Variants in FNDC3B observed in about 807,000 individuals in gnomAD.
FNDC3B encodes fibronectin type III domain containing 3B.
In FNDC3B, 12 loss-of-function variants were observed where a neutral mutation model predicts 151.5. The ratio of observed to expected loss-of-function variants is 0.08; its 90% CI spans 0.05 to 0.13. The LOEUF is 0.13. Among genes scored for constraint, FNDC3B ranks in the 10% least tolerant of loss-of-function variants. The pLI is 1.00. For missense variants in FNDC3B, 1,214 were observed against 1,505.3 expected (o/e 0.81, Z 3.20); for synonymous variants, 528 against 549.0 (o/e 0.96, Z 0.54).
At chr3:172,214,447 C>G (rs931035332) in intron 3 of FNDC3B, among the ~76,000 whole-genome samples, 4 of 152,172 alleles carry the variant, frequency 2.6e-5, no homozygotes, top group African/African-American at 7.2e-5. Context: ...TTGGAGATTG[C>G]TGGTCCCTTC....
intron 9 of FNDC3B, among the ~76,000 whole-genome samples, chr3:172,304,258 C>T (rs544063630): frequency 1.3e-5 from 2 of 152,332 alleles, no homozygotes; most frequent in South Asian, 2.1e-4. Context: ...CTGACTGCAT[C>T]CTGCTAGTAC....
At chr3:172,099,627 C>T (rs1480037308) in intron 1 of FNDC3B, among the ~76,000 whole-genome samples, 2 of 152,120 alleles carry the variant, frequency 1.3e-5, no homozygotes, top group African/African-American at 4.8e-5. Flanking sequence ...AGTACCTGGC[C>T]CCCAACATCA....
At chr3:172,069,549 T>C (rs1326608122) in intron 1 of FNDC3B, among the ~76,000 whole-genome samples, 4 of 152,160 alleles carry the variant, frequency 2.6e-5, no homozygotes, top group Non-Finnish European at 5.9e-5. Flanking sequence ...TGAGTGGGTT[T>C]TTTAAGTTGT....
rs576863719 is a variant in FNDC3B at position 172,107,496 on chromosome 3, A to T, written c.-28-4956A>T. 2.6e-5 allele frequency among the ~76,000 whole-genome samples: 4 copies of T among 152,288 alleles called. No individual in the cohort carries two copies. In the East Asian group the frequency reaches 7.7e-4, roughly 29 times the overall value. On this transcript the variant is annotated intron_variant, in intron 1 of 25. Coordinates refer to ENST00000415807, the MANE Select transcript of FNDC3B (RefSeq NM_022763.4). ...TTGGGGGACAGTGTGGATGTGGTACAGCCTTGACCAAAATGCCTGAGTCCT... is the reference window on the plus strand; with the variant it reads ...TTGGGGGACAGTGTGGATGTGGTACTGCCTTGACCAAAATGCCTGAGTCCT...
At chr3:172,053,476 A>T (rs967551619) in intron 1 of FNDC3B, among the ~76,000 whole-genome samples, 1 of 152,124 alleles carries the variant, frequency 6.6e-6, no homozygotes, top group African/African-American at 2.4e-5. Context: ...TATTGTCTAG[A>T]AAACTAAAAT....
At chr3:172,161,816 A>C (rs1722784451) in intron 3 of FNDC3B, among the ~76,000 whole-genome samples, 1 of 152,148 alleles carries the variant, frequency 6.6e-6, no homozygotes, top group Non-Finnish European at 1.5e-5. Context: ...CATCACCTAC[A>C]AAACTCCATT....
chr3:172,207,095 G>C (rs368064533), intron 3 of FNDC3B, among the ~76,000 whole-genome samples: 61,716 of 151,558 alleles, frequency 0.41, 13,530 homozygotes, highest in Non-Finnish European at 0.49. Flanking sequence ...CAGAGAATTG[G>C]TAGTCCCAAC....
At chr3:172,392,800 T>C (rs1191546433) in intron 25 of FNDC3B, among the ~76,000 whole-genome samples, 1 of 86,304 alleles carries the variant, frequency 1.2e-5, no homozygotes, top group Admixed American at 1.7e-4. Context: ...AATTTTTTCT[T>C]TTTTTTTTTC....
At chr3:172,203,478 A>G (rs905898740) in intron 3 of FNDC3B, among the ~76,000 whole-genome samples, 3 of 152,326 alleles carry the variant, frequency 2.0e-5, no homozygotes, top group Admixed American at 6.5e-5. Flanking sequence ...CAGTTTTTCT[A>G]TCTTTCTGAG....
intron 3 of FNDC3B, among the ~76,000 whole-genome samples, chr3:172,218,906 T>A (rs1384824109): frequency 6.6e-6 from 1 of 152,208 alleles, no homozygotes; most frequent in East Asian, 1.9e-4. Context: ...GTACCTAGCT[T>A]CTGTGTGAAA....
intron 25 of FNDC3B, among the ~76,000 whole-genome samples, chr3:172,383,997 G>C (rs534756): frequency 0.96 from 146,199 of 152,266 alleles, 70,264 homozygotes; most frequent in East Asian, 1. Flanking sequence ...CTCTGAAACA[G>C]TAGCATAATT....
chr3:172,395,119 G>A (rs952682139), intron 25 of FNDC3B, among the ~76,000 whole-genome samples: 11 of 152,118 alleles, frequency 7.2e-5, no homozygotes, highest in African/African-American at 2.7e-4. Context: ...TTCATGCCAG[G>A]TGTGTTTTAA....
intron 1 of FNDC3B, among the ~76,000 whole-genome samples, chr3:172,110,968 G>A (rs1179440169): frequency 6.6e-6 from 1 of 151,850 alleles, no homozygotes; most frequent in Non-Finnish European, 1.5e-5. Context: ...GCATAGTGGT[G>A]CGTGCCTGTA....
intron 3 of FNDC3B, among the ~76,000 whole-genome samples, chr3:172,174,336 C>T (rs1191244801): frequency 6.6e-6 from 1 of 152,146 alleles, no homozygotes; most frequent in East Asian, 1.9e-4. Flanking sequence ...GAGACTGCCA[C>T]TTAGTTAGAC....
intron 25 of FNDC3B, among the ~76,000 whole-genome samples, chr3:172,384,664 G>A (rs1735617343): frequency 6.6e-6 from 1 of 152,172 alleles, no homozygotes; most frequent in African/African-American, 2.4e-5. Context: ...AGTGACTGCT[G>A]TTTCCTGTTG....
At chr3:172,117,666 ATTC>A (rs1720332679) in intron 2 of FNDC3B, among the ~76,000 whole-genome samples, 1 of 152,186 alleles carries the variant, frequency 6.6e-6, no homozygotes, top group Non-Finnish European at 1.5e-5. Flanking sequence ...TTTATATTAT[ATTC>A]TTAGTGACTT....
intron 1 of FNDC3B, among the ~76,000 whole-genome samples, chr3:172,078,969 C>G (rs1718157771): frequency 6.6e-6 from 1 of 152,174 alleles, no homozygotes; most frequent in East Asian, 1.9e-4. Flanking sequence ...GATGACTTTT[C>G]CCCACGTAAT....
At chr3:172,055,852 C>G (rs1716886804) in intron 1 of FNDC3B, among the ~76,000 whole-genome samples, 2 of 151,904 alleles carry the variant, frequency 1.3e-5, no homozygotes, top group Admixed American at 1.3e-4. Flanking sequence ...GCGATCTCGG[C>G]TCACTGCAAG....
intron 1 of FNDC3B, among the ~76,000 whole-genome samples, chr3:172,095,792 A>AAAAC (rs138577405): frequency 8.7e-4 from 131 of 151,148 alleles, no homozygotes; most frequent in Middle Eastern, 6.8e-3. Context: ...CTTTGTTAAA[A>AAAAC]AAACAAACAA....
Sources: gnomAD v4.1 joint callset for allele counts (sites outside exome capture counted in the v4.1 genomes callset) on GRCh38, gnomAD v4.1.1 for gene constraint, MANE v1.5 for transcripts, NCBI Gene and HGNC (gene_info 2026-07-23, HGNC 2026-07-21) for gene names.